FRMD5: variants seen among roughly 807,000 people sequenced by gnomAD.
The protein encoded by FRMD5 is FERM domain-containing protein 5.
In FRMD5, 20 loss-of-function variants were observed where a neutral mutation model predicts 69.0. The observed-to-expected ratio is 0.29, with a 90% CI of 0.20 to 0.42. FRMD5 has a LOEUF of 0.42. Among genes scored for constraint, FRMD5 ranks in the 10% least tolerant of loss-of-function variants. The probability of loss-of-function intolerance (pLI) is 1.00; values close to 1 mark genes in which losing one functional copy is unlikely to be tolerated. For synonymous variants in FRMD5, 271 were observed against 260.1 expected (o/e 1.04, Z -0.40); for missense variants, 595 against 708.6 (o/e 0.84, Z 1.82).
chr15:44,010,401 T>TC (rs1491108594), intron 1 of FRMD5, among the ~76,000 whole-genome samples: 1 of 2,724 alleles, frequency 3.7e-4, no homozygotes, highest in Non-Finnish European at 5.0e-3. Context: ...TTTCCTTTTC[T>TC]TTTTTTTTTT....
intron 1 of FRMD5, among the ~76,000 whole-genome samples, chr15:44,107,378 A>G (rs1003132080): frequency 6.6e-6 from 1 of 152,220 alleles, no homozygotes; most frequent in East Asian, 1.9e-4. Context: ...ACACAGAAGG[A>G]CAAAAGTCTG....
rs2088208369 is a variant in FRMD5 at position 43,873,150 on chromosome 15, A to G, written c.*735T>C. 1 of 1,548,276 alleles carries G rather than the reference A, an allele frequency of 6.5e-7. No individual in the cohort carries two copies. Among genetic ancestry groups the G allele is most frequent in the East Asian group, 2.4e-5 (1 of 40,916 alleles). The stretch of plus-strand genomic sequence containing the variant: ...ACTATGGTGATGCCCACTAGGCTCT[A>G]GACTAAGGGGACAGACTTACCCCAC... On this transcript the variant is annotated 3_prime_UTR_variant, in exon 14 of 14. Coordinates refer to ENST00000417257, the MANE Select transcript of FRMD5 (RefSeq NM_032892.5).
At chr15:44,148,565 C>A (rs1296804913) in intron 1 of FRMD5, among the ~76,000 whole-genome samples, 1 of 152,080 alleles carries the variant, frequency 6.6e-6, no homozygotes, top group Admixed American at 6.5e-5. Context: ...GCCACCGTGC[C>A]CAACCTACAT....
intron 1 of FRMD5, among the ~76,000 whole-genome samples, chr15:44,032,212 T>G (rs1160806847): frequency 6.6e-6 from 1 of 152,068 alleles, no homozygotes; most frequent in African/African-American, 2.4e-5. Context: ...TCAAGATGGA[T>G]AAAGACTTAA....
intron 1 of FRMD5, among the ~76,000 whole-genome samples, chr15:43,978,706 C>A (rs2090502455): frequency 6.6e-6 from 1 of 152,086 alleles, no homozygotes; most frequent in Non-Finnish European, 1.5e-5. Flanking sequence ...TACCCACCAC[C>A]ACATCCAGCT....
chr15:43,971,628 T>TA (rs753940718), intron 1 of FRMD5, among the ~76,000 whole-genome samples: 1,264 of 117,732 alleles, frequency 0.011, 10 homozygotes, highest in East Asian at 0.024. Context: ...AGGTTGCATC[T>TA]AAAAAAAAAA....
chr15:43,937,959 C>T (rs1267913081), intron 1 of FRMD5, among the ~76,000 whole-genome samples: 1 of 152,094 alleles, frequency 6.6e-6, no homozygotes, highest in Non-Finnish European at 1.5e-5. Flanking sequence ...ATCATAACTA[C>T]CATTTCTTAA....
intron 1 of FRMD5, among the ~76,000 whole-genome samples, chr15:43,996,602 G>C (rs940571610): frequency 8.7e-5 from 13 of 149,768 alleles, no homozygotes; most frequent in East Asian, 2.0e-4. Flanking sequence ...GTGCTATAAA[G>C]TTCAATTTCA....
chr15:43,907,107 G>T (rs1386846834), intron 5 of FRMD5, among the ~76,000 whole-genome samples: 2 of 152,160 alleles, frequency 1.3e-5, no homozygotes, highest in Admixed American at 6.5e-5. Flanking sequence ...GAGGATGGTG[G>T]GTAGGACAAA....
chr15:43,904,705 T>C (rs2089128322), intron 6 of FRMD5, among the ~76,000 whole-genome samples: 1 of 152,068 alleles, frequency 6.6e-6, no homozygotes, highest in Non-Finnish European at 1.5e-5. Context: ...TCCTTTTTCC[T>C]CATAGTTTGT....
chr15:44,080,354 G>C (rs1428289761), intron 1 of FRMD5, among the ~76,000 whole-genome samples: 5 of 152,042 alleles, frequency 3.3e-5, no homozygotes, highest in African/African-American at 1.2e-4. Context: ...ATCAGTTCTC[G>C]TGTGTGCCTA....
At chr15:43,891,922 G>A (rs779451894) in intron 8 of FRMD5, 59 bp downstream of exon 8, 73 of 1,408,020 alleles carry the variant, frequency 5.2e-5, no homozygotes, top group Middle Eastern at 1.8e-4. Context: ...CACGGGAACC[G>A]TCGCCCCTCC....
chr15:43,972,355 A>T (rs937717507), intron 1 of FRMD5, among the ~76,000 whole-genome samples: 2 of 152,060 alleles, frequency 1.3e-5, no homozygotes, highest in Non-Finnish European at 2.9e-5. Flanking sequence ...GGTTAAATGG[A>T]ATTTGTTTGC....
chr15:43,976,738 C>T (rs1282676487), intron 1 of FRMD5, among the ~76,000 whole-genome samples: 1 of 152,182 alleles, frequency 6.6e-6, no homozygotes, highest in Non-Finnish European at 1.5e-5. Context: ...GCGATCTCGG[C>T]TCACTGCAAC....
At chr15:44,035,924 T>C (rs1165009592) in intron 1 of FRMD5, among the ~76,000 whole-genome samples, 1 of 152,176 alleles carries the variant, frequency 6.6e-6, no homozygotes, top group East Asian at 1.9e-4. Flanking sequence ...CTAACTAGAA[T>C]GACTAAAAAA....
chr15:43,974,977 C>T (rs2090441812), intron 1 of FRMD5, among the ~76,000 whole-genome samples: 1 of 152,186 alleles, frequency 6.6e-6, no homozygotes, highest in Non-Finnish European at 1.5e-5. Context: ...AAGGTGAGAA[C>T]CCCAGGCTAC....
At chr15:44,158,444 T>A (rs1289015723) in intron 1 of FRMD5, among the ~76,000 whole-genome samples, 1 of 152,188 alleles carries the variant, frequency 6.6e-6, no homozygotes, top group East Asian at 1.9e-4. Flanking sequence ...CTTTTGTACC[T>A]CATAACCTGA....
intron 7 of FRMD5, among the ~76,000 whole-genome samples, chr15:43,897,815 G>C (rs1008122464): frequency 1.3e-5 from 2 of 152,130 alleles, no homozygotes; most frequent in African/African-American, 4.8e-5. Context: ...GAGGGACCTG[G>C]TGGGAGGTGA....
Position 43,884,691 on chromosome 15 carries a change from C to A in FRMD5, c.1028+36G>T, listed in dbSNP as rs754699975. 7.5e-6 allele frequency: 12 copies of A among 1,591,106 alleles called. No homozygotes were observed. In the East Asian group the frequency reaches 2.2e-4, roughly 30 times the overall value. The stretch of plus-strand genomic sequence containing the variant: ...CTGGATTGAGATTCTGGGATCTGAG[C>A]TACAACTGTTTGGGGGGAAGCCCCT... On this transcript the variant is annotated intron_variant, in intron 12 of 13. Transcript: ENST00000417257.
Sources: gnomAD v4.1 joint callset for allele counts (sites outside exome capture counted in the v4.1 genomes callset) on GRCh38, gnomAD v4.1.1 for gene constraint, MANE v1.5 for transcripts, NCBI Gene and HGNC (gene_info 2026-07-23, HGNC 2026-07-21) for gene names.